FBXL2: variants seen among roughly 807,000 people sequenced by gnomAD.
The protein encoded by FBXL2 is F-box and leucine rich repeat protein 2, also known as F-box/LRR-repeat protein 2.
Under a neutral mutation model 69.2 loss-of-function variants are expected in FBXL2, and 38 were observed. The ratio of observed to expected loss-of-function variants is 0.55; its 90% CI spans 0.42 to 0.72. FBXL2 has a LOEUF of 0.72. Ranked by LOEUF, FBXL2 falls within the 30% of genes least tolerant of loss-of-function variation. The pLI, the probability that FBXL2 is intolerant of heterozygous loss-of-function variation, is 0.00. For missense variants in FBXL2, 354 were observed against 520.3 expected, an observed-to-expected ratio of 0.68 and a Z score of 3.11; for synonymous variants, 192 against 201.3, an observed-to-expected ratio of 0.95 and a Z score of 0.39.
downstream of FBXL2, chr3:33,392,628 G>A (rs759734858): frequency 6.9e-6 from 11 of 1,602,452 alleles, no homozygotes; most frequent in Non-Finnish European, 9.4e-6. Context: ...GAAGGATAAA[G>A]TAAATGCGTA....
chr3:33,299,015 TTA>T (rs1046360148), intron 2 of FBXL2, among the ~76,000 whole-genome samples: 12 of 97,862 alleles, frequency 1.2e-4, no homozygotes, highest in African/African-American at 5.5e-4. Flanking sequence ...TGGAATCCTT[TTA>T]TTTTTTTAAT....
At chr3:33,328,759 A>G (rs1448259005) in intron 2 of FBXL2, among the ~76,000 whole-genome samples, 1 of 152,008 alleles carries the variant, frequency 6.6e-6, no homozygotes, top group Admixed American at 6.6e-5. Context: ...AACATTGGGG[A>G]AACACTCCAG....
intron 1 of FBXL2, among the ~76,000 whole-genome samples, chr3:33,280,446 C>G (rs192447341): frequency 1.3e-5 from 2 of 152,232 alleles, no homozygotes; most frequent in African/African-American, 2.4e-5. Flanking sequence ...CAGTGGCTCA[C>G]GCCTGTAATC....
intron 2 of FBXL2, among the ~76,000 whole-genome samples, chr3:33,326,161 T>A (rs116617994): frequency 0.013 from 1,965 of 152,224 alleles, 40 homozygotes; most frequent in African/African-American, 0.045. Context: ...ATGTAAATAG[T>A]GTCTATACTT....
chr3:33,331,855 A>G (rs1423673078), intron 2 of FBXL2, among the ~76,000 whole-genome samples: 1 of 152,214 alleles, frequency 6.6e-6, no homozygotes, highest in African/African-American at 2.4e-5. Flanking sequence ...TGAGGAATTT[A>G]TACAAAATGT....
At chr3:33,310,763 A>T (rs183003085) in intron 2 of FBXL2, among the ~76,000 whole-genome samples, 3,733 of 151,388 alleles carry the variant, frequency 0.025, 52 homozygotes, top group African/African-American at 0.038. Context: ...GGGTTTTTTT[A>T]AAAAAAATTA....
intron 2 of FBXL2, among the ~76,000 whole-genome samples, chr3:33,327,884 G>A (rs1452233347): frequency 6.6e-6 from 1 of 151,580 alleles, no homozygotes; most frequent in African/African-American, 2.4e-5. Flanking sequence ...CATCCAAATT[G>A]GAAAGGAAGA....
chr3:33,336,103 G>A (rs910741841), intron 2 of FBXL2, among the ~76,000 whole-genome samples: 4 of 152,120 alleles, frequency 2.6e-5, no homozygotes, highest in African/African-American at 9.7e-5. Context: ...GTTTCTAAAT[G>A]TTATATGGAA....
intron 2 of FBXL2, among the ~76,000 whole-genome samples, chr3:33,298,198 A>G (rs2035918699): frequency 6.6e-6 from 1 of 152,184 alleles, no homozygotes; most frequent in South Asian, 2.1e-4. Flanking sequence ...GTTTTTATTC[A>G]TATGAGAAGT....
downstream of FBXL2, among the ~76,000 whole-genome samples, chr3:33,404,033 CCAGGATAGCT>C (rs1310895155): frequency 6.6e-6 from 1 of 151,616 alleles, no homozygotes; most frequent in African/African-American, 2.4e-5. Flanking sequence ...CCAGGATAGC[CCAGGATAGCT>C]TGAGCCCAGG....
intron 2 of FBXL2, among the ~76,000 whole-genome samples, chr3:33,332,159 T>A (rs1239357670): frequency 6.6e-6 from 1 of 152,062 alleles, no homozygotes; most frequent in Non-Finnish European, 1.5e-5. Context: ...CCTAAATTAA[T>A]CTGCAAGGTG....
intron 2 of FBXL2, among the ~76,000 whole-genome samples, chr3:33,341,832 G>GA (rs56386082): frequency 1.6e-3 from 95 of 58,520 alleles, no homozygotes; most frequent in Non-Finnish European, 2.4e-3. Flanking sequence ...TCCGTCTCAG[G>GA]AAAAAAAAAA....
chr3:33,325,031 T>C (rs1042503908), intron 2 of FBXL2, among the ~76,000 whole-genome samples: 1 of 152,172 alleles, frequency 6.6e-6, no homozygotes, highest in African/African-American at 2.4e-5. Flanking sequence ...CCCTTGTAAG[T>C]TGGATTCCTA....
intron 2 of FBXL2, among the ~76,000 whole-genome samples, chr3:33,331,344 C>G (rs1403174527): frequency 6.6e-6 from 1 of 151,948 alleles, no homozygotes. Flanking sequence ...TAAGATTAGG[C>G]AAAGCAGATA....
chr3:33,380,162 T>C (rs928648095), intron 13 of FBXL2, among the ~76,000 whole-genome samples: 2 of 148,858 alleles, frequency 1.3e-5, no homozygotes, highest in African/African-American at 4.9e-5. Context: ...GAGGCGGAGG[T>C]TGCAGTGAGC....
intron 5 of FBXL2, among the ~76,000 whole-genome samples, chr3:33,366,352 T>C (rs556507150): frequency 6.6e-6 from 1 of 152,276 alleles, no homozygotes; most frequent in Non-Finnish European, 1.5e-5. Flanking sequence ...ATGGAGTGAA[T>C]TGGGAAGTAT....
At chr3:33,371,115 T>C (rs2042273867) in intron 5 of FBXL2, among the ~76,000 whole-genome samples, 1 of 152,060 alleles carries the variant, frequency 6.6e-6, no homozygotes, top group Admixed American at 6.6e-5. Flanking sequence ...CCATATCTAA[T>C]CTGTTGTTAA....
chr3:33,320,480 C>T (rs922096676), intron 2 of FBXL2, among the ~76,000 whole-genome samples: 2 of 151,206 alleles, frequency 1.3e-5, no homozygotes, highest in African/African-American at 4.9e-5. Context: ...GGTAGGAAAG[C>T]ATTTCTTTTT....
At chr3:33,410,930 A>T in the FBXL2 span, among the ~76,000 whole-genome samples, 2 of 152,114 alleles carry the variant, frequency 1.3e-5, no homozygotes, top group South Asian at 4.1e-4. Context: ...AAAATCAGCC[A>T]GGCATTGTGG....
Sources: allele counts gnomAD v4.1 joint callset (sites outside exome capture counted in the v4.1 genomes callset), GRCh38; gene constraint gnomAD v4.1.1; transcripts MANE v1.5; gene names NCBI Gene and HGNC (gene_info 2026-07-23, HGNC 2026-07-21).